Variants in ERC2 observed in about 807,000 individuals in gnomAD.
The protein encoded by ERC2 is ELKS/RAB6-interacting/CAST family member 2, also known as ERC protein 2.
In ERC2, 42 loss-of-function variants were observed where a neutral mutation model predicts 114.8. The ratio of observed to expected loss-of-function variants is 0.37; its 90% CI spans 0.29 to 0.47. The LOEUF (loss-of-function observed/expected upper bound fraction) is 0.47, where lower values mean the gene tolerates loss of function less well. ERC2 is among the 20% of genes least tolerant of loss of function. The pLI is 0.99. For missense variants in ERC2, 939 were observed against 1,150.7 expected, an observed-to-expected ratio of 0.82 and a Z score of 2.66; for synonymous variants, 454 against 425.5, an observed-to-expected ratio of 1.07 and a Z score of -0.82.
chr3:55,699,638 T>G, intron 15 of ERC2, 126 bp from the exon 16 acceptor site: 2 of 1,087,934 alleles, frequency 1.8e-6, no homozygotes, highest in South Asian at 4.5e-5. Flanking sequence ...TCACTGTTAG[T>G]CAAGTTGAAA....
intron 2 of ERC2, among the ~76,000 whole-genome samples, chr3:56,433,105 G>C (rs1402014544): frequency 6.6e-6 from 1 of 151,714 alleles, no homozygotes; most frequent in African/African-American, 2.4e-5. Flanking sequence ...TTTGAGCCGG[G>C]AAGTCAAGGC....
intron 3 of ERC2, among the ~76,000 whole-genome samples, chr3:56,256,940 A>G (rs1182171084): frequency 6.6e-6 from 1 of 152,184 alleles, no homozygotes; most frequent in Admixed American, 6.5e-5. Context: ...TAAATTACCC[A>G]GTCTCAGGCA....
chr3:56,429,033 C>G (rs541392236), intron 2 of ERC2, among the ~76,000 whole-genome samples: 1 of 152,124 alleles, frequency 6.6e-6, no homozygotes, highest in African/African-American at 2.4e-5. Context: ...AGAAATACAA[C>G]GTTAACAATT....
intron 15 of ERC2, among the ~76,000 whole-genome samples, chr3:55,733,527 TTCTTTCTC>T (rs202245361): frequency 0.2 from 18,807 of 95,158 alleles, 1,708 homozygotes; most frequent in African/African-American, 0.21. Context: ...CTGTCTCTCA[TTCTTTCTC>T]TCTCTCTCAC....
intron 15 of ERC2, 129 bp downstream of exon 15, chr3:55,734,642 A>G (rs2065510112): frequency 1.8e-6 from 2 of 1,091,744 alleles, no homozygotes; most frequent in Non-Finnish European, 2.6e-6. Flanking sequence ...GGTCCATTGC[A>G]CTCCTACCTG....
At chr3:56,332,169 A>C (rs73088559) in intron 2 of ERC2, among the ~76,000 whole-genome samples, 3,110 of 146,586 alleles carry the variant, frequency 0.021, 32 homozygotes, top group Non-Finnish European at 0.024. Context: ...CACACACACA[A>C]GAGATTTCAA....
chr3:56,328,726 G>A (rs1160923930), intron 2 of ERC2, among the ~76,000 whole-genome samples: 2 of 152,158 alleles, frequency 1.3e-5, no homozygotes, highest in Non-Finnish European at 2.9e-5. Context: ...AGGAAACTGG[G>A]ATAGAGAGAG....
intron 4 of ERC2, among the ~76,000 whole-genome samples, chr3:56,166,264 T>C (rs568626181): frequency 4.6e-5 from 7 of 152,078 alleles, no homozygotes; most frequent in East Asian, 1.9e-4. Context: ...TTATTTGTCA[T>C]TGAGTTCAAT....
chr3:55,998,160 C>CA (rs568403266), intron 10 of ERC2, among the ~76,000 whole-genome samples: 1 of 150,502 alleles, frequency 6.6e-6, no homozygotes, highest in Non-Finnish European at 1.5e-5. Context: ...ACAACCACAC[C>CA]AAAAAAATTA....
chr3:55,996,691 T>C lies in ERC2; in HGVS notation c.2062-4441A>G, dbSNP rs538596255. On this transcript the variant is annotated intron_variant, in intron 10 of 17. Transcript: ENST00000288221. ...AAAACAAACTCTGGAGTCTCACTGATGTGGGCAGGCCTCTGGGTTTTGATG... is the reference window on the plus strand; with the variant it reads ...AAAACAAACTCTGGAGTCTCACTGACGTGGGCAGGCCTCTGGGTTTTGATG... 2.6e-5 allele frequency among the ~76,000 whole-genome samples: 4 copies of C among 152,316 alleles called. No individual in the cohort carries two copies. The South Asian group carries it at 6.2e-4, about 24-fold the overall frequency.
chr3:55,875,724 A>ACACACACACACACACACTCTCT (rs1491351730), intron 14 of ERC2, among the ~76,000 whole-genome samples: 13 of 141,102 alleles, frequency 9.2e-5, no homozygotes, highest in African/African-American at 3.3e-4. Context: ...ACACACACAC[A>ACACACACACACACACACTCTCT]CTCTCTCTCT....
intron 13 of ERC2, among the ~76,000 whole-genome samples, chr3:55,914,786 T>G (rs1419672450): frequency 6.6e-6 from 1 of 152,184 alleles, no homozygotes; most frequent in Non-Finnish European, 1.5e-5. Context: ...TTGAACTTTA[T>G]CCCATAAAAC....
At chr3:56,087,302 A>G (rs2077555351) in intron 6 of ERC2, among the ~76,000 whole-genome samples, 3 of 152,164 alleles carry the variant, frequency 2.0e-5, no homozygotes, top group Middle Eastern at 3.4e-3. Context: ...GTTCCAGGTA[A>G]TAACTTGAAA....
At chr3:56,378,669 A>G (rs2059639246) in intron 2 of ERC2, among the ~76,000 whole-genome samples, 1 of 152,194 alleles carries the variant, frequency 6.6e-6, no homozygotes, top group South Asian at 2.1e-4. Flanking sequence ...TATAATTCCA[A>G]GTTCCCAAAA....
At chr3:55,920,413 AAAAC>A (rs1378174713) in intron 13 of ERC2, among the ~76,000 whole-genome samples, 7 of 51,450 alleles carry the variant, frequency 1.4e-4, no homozygotes, top group Non-Finnish European at 2.5e-4. Context: ...CAGGCACACT[AAAAC>A]ACACACACAC....
rs776763018 is a variant in ERC2, at chr3:56,007,224, T to G, written c.2018A>C (p.Gln673Pro). The G allele has an allele frequency of 6.3e-7, 1 of 1,580,078 alleles. No individual in the cohort carries two copies. The highest frequency in any genetic ancestry group is 8.6e-7 in the Non-Finnish European group (1 of 1,161,314). Reference sequence around the variant, plus strand: ...CAATTTGCTACATTCCTCTTTCTTTTGTTCAATGGCTATTTCTAGAGATTT... The same window carrying G: ...CAATTTGCTACATTCCTCTTTCTTTGGTTCAATGGCTATTTCTAGAGATTT... ...KLKSLEIAIE[Q>P]KKEECSKLEA... is the part of the protein sequence containing the mutation. The change falls in exon 10 of 18, where the codon CAA (glutamine) becomes CCA (proline). Residue 673 changes from glutamine to proline, a missense_variant. Gln to Pro is a moderately conservative substitution (Grantham distance 76). This residue lies in a region of ERC2 where 328 missense variants were observed against 353.9 expected (regional missense o/e 0.93). Transcript: ENST00000288221.
intron 17 of ERC2, among the ~76,000 whole-genome samples, chr3:55,628,619 C>T (rs563210827): frequency 3.3e-5 from 5 of 152,266 alleles, no homozygotes; most frequent in Admixed American, 1.3e-4. Context: ...AGGGTTCCAT[C>T]GAGGCCCAAA....
intron 17 of ERC2, among the ~76,000 whole-genome samples, chr3:55,654,632 C>T (rs1204681859): frequency 6.6e-6 from 1 of 152,206 alleles, no homozygotes; most frequent in East Asian, 1.9e-4. Flanking sequence ...ACAGGCAGAG[C>T]CTCTAGAGGC....
At chr3:55,840,778 CATA>C (rs1360954500) in intron 14 of ERC2, among the ~76,000 whole-genome samples, 231 of 152,192 alleles carry the variant, frequency 1.5e-3, no homozygotes, top group African/African-American at 5.3e-3. Flanking sequence ...AACCTACTGG[CATA>C]CTAGTAGGCA....
Sources: allele counts gnomAD v4.1 joint callset (sites outside exome capture counted in the v4.1 genomes callset), GRCh38; gene constraint gnomAD v4.1.1; regional missense constraint gnomAD v4.1.1; transcripts MANE v1.5; gene names NCBI Gene and HGNC (gene_info 2026-07-23, HGNC 2026-07-21).